The following CADM2 variants were observed in gnomAD, a reference collection of about 807,000 sequenced individuals.
CADM2 encodes the protein cell adhesion molecule 2.
A neutral mutation model predicts 49.8 loss-of-function variants in CADM2; 12 were observed. The ratio of observed to expected loss-of-function variants is 0.24; its 90% CI spans 0.15 to 0.39. CADM2 has a LOEUF of 0.39. CADM2 is among the 10% of genes least tolerant of loss of function. The pLI, the probability that CADM2 is intolerant of heterozygous loss-of-function variation, is 1.00. For missense variants in CADM2, 378 were observed against 492.3 expected, an observed-to-expected ratio of 0.77 and a Z score of 2.20; for synonymous variants, 214 against 175.4, an observed-to-expected ratio of 1.22 and a Z score of -1.74.
At chr3:85,171,786 A>G (rs554641520) in intron 1 of CADM2, among the ~76,000 whole-genome samples, 2 of 152,346 alleles carry the variant, frequency 1.3e-5, no homozygotes, top group East Asian at 3.9e-4. Flanking sequence ...TACCTAATCA[A>G]TGAAATATGA....
intron 1 of CADM2, among the ~76,000 whole-genome samples, chr3:85,177,381 G>T (rs141868782): frequency 1.3e-5 from 2 of 151,912 alleles, no homozygotes; most frequent in East Asian, 3.9e-4. Context: ...TTTTATGATC[G>T]TTTATACCTT....
intron 1 of CADM2, among the ~76,000 whole-genome samples, chr3:84,983,255 G>C (rs559079032): frequency 2.0e-5 from 3 of 151,790 alleles, no homozygotes; most frequent in African/African-American, 7.2e-5. Context: ...ATTTTTGCAT[G>C]AAATATTTTG....
chr3:85,783,160 C>T (rs1398954952), intron 2 of CADM2, among the ~76,000 whole-genome samples: 1 of 152,050 alleles, frequency 6.6e-6, no homozygotes, highest in African/African-American at 2.4e-5. Context: ...TATTCAGACA[C>T]TTTTTTGTTT....
chr3:85,393,997 G>A (rs2034646831), intron 1 of CADM2, among the ~76,000 whole-genome samples: 1 of 152,016 alleles, frequency 6.6e-6, no homozygotes, highest in African/African-American at 2.4e-5. Context: ...TAGTAGAGAC[G>A]GGGTAGCCAG....
At chr3:85,006,419 A>G (rs1414832668) in intron 1 of CADM2, among the ~76,000 whole-genome samples, 2 of 135,866 alleles carry the variant, frequency 1.5e-5, no homozygotes, top group African/African-American at 2.8e-5. Context: ...AGCATGTGAA[A>G]TAAATAAATA....
At chr3:85,188,578 G>GT (rs1290117018) in intron 1 of CADM2, among the ~76,000 whole-genome samples, 13 of 150,856 alleles carry the variant, frequency 8.6e-5, no homozygotes, top group African/African-American at 2.2e-4. Flanking sequence ...AATTCAAGTT[G>GT]TTTTTTTTCA....
chr3:85,355,542 T>A (rs904366076), intron 1 of CADM2, among the ~76,000 whole-genome samples: 1 of 152,100 alleles, frequency 6.6e-6, no homozygotes, highest in African/African-American at 2.4e-5. Context: ...TTTCATTCAC[T>A]TATTTAACAA....
intron 1 of CADM2, among the ~76,000 whole-genome samples, chr3:85,595,114 A>AT (rs1313821177): frequency 3.9e-5 from 6 of 152,022 alleles, no homozygotes; most frequent in African/African-American, 1.4e-4. Context: ...CTGCTAGTTG[A>AT]TAATACAAAT....
At position 85,928,690 on chromosome 3, in the gene CADM2, C is replaced by T. The variant is rs535430458; in HGVS notation, c.701-7077C>T. Among the ~76,000 whole-genome samples, 8 of 152,258 alleles carry T rather than the reference C, an allele frequency of 5.3e-5. No individual in the cohort carries two copies. The East Asian group carries it at 1.5e-3, about 29-fold the overall frequency. ...AATATCTGCGTATTTTAGTTGGATA[C>T]TTACAAGTACTGAAAAATTATTTGT... On this transcript the variant is annotated intron_variant, in intron 6 of 9. Transcript: ENST00000383699.
chr3:85,343,914 G>A (rs752063217), intron 1 of CADM2, among the ~76,000 whole-genome samples: 8 of 152,122 alleles, frequency 5.3e-5, no homozygotes, highest in Admixed American at 3.3e-4. Flanking sequence ...TACTGAGAAG[G>A]CACTGTGTGT....
At chr3:85,287,400 T>A (rs1559759960) in intron 1 of CADM2, among the ~76,000 whole-genome samples, 1 of 152,142 alleles carries the variant, frequency 6.6e-6, no homozygotes, top group Non-Finnish European at 1.5e-5. Context: ...TGAACAGTCT[T>A]ACATGGCTGA....
chr3:86,057,411 T>C (rs1738122280), intron 8 of CADM2, among the ~76,000 whole-genome samples: 1 of 152,174 alleles, frequency 6.6e-6, no homozygotes, highest in South Asian at 2.1e-4. Flanking sequence ...TACTTGATAG[T>C]AACAGTTTTA....
At chr3:85,703,883 C>T (rs1255578907) in intron 1 of CADM2, among the ~76,000 whole-genome samples, 2 of 152,194 alleles carry the variant, frequency 1.3e-5, no homozygotes, top group African/African-American at 4.8e-5. Context: ...TGCTAAGTAG[C>T]AAAACAGTGT....
chr3:85,567,363 C>T lies in CADM2; in HGVS notation c.62-159159C>T, dbSNP rs373808225. On this transcript the variant is annotated intron_variant, in intron 1 of 9. Transcript: ENST00000383699. The stretch of plus-strand genomic sequence containing the variant: ...CTTTTCCTTAAAACACATTTTCTTA[C>T]TTCTTTCAATGTATTTAAACTTGCT... 7.9e-5 allele frequency among the ~76,000 whole-genome samples: 12 copies of T among 152,248 alleles called. 1 individual carries two copies. The East Asian group carries it at 1.9e-3, about 24-fold the overall frequency.
At position 85,001,020 on chromosome 3, in the gene CADM2, CATT is replaced by C. The variant is rs1352274770; in HGVS notation, c.61+41353_61+41355del. Among the ~76,000 whole-genome samples, 3 of 152,020 alleles carry C rather than the reference CATT, an allele frequency of 2.0e-5. No homozygotes were observed. In the East Asian group the frequency reaches 5.8e-4, roughly 29 times the overall value. ...TCCACCTGTTACACAAAATGAGAAA[CATT>C]GTGGATATTCTTTTTGTCACAATCA... On this transcript the variant is annotated intron_variant, in intron 1 of 9. Transcript: ENST00000383699.
intron 1 of CADM2, among the ~76,000 whole-genome samples, chr3:85,683,519 C>T (rs2107662644): frequency 6.6e-6 from 1 of 152,160 alleles, no homozygotes; most frequent in African/African-American, 2.4e-5. Flanking sequence ...TTTAATATTG[C>T]AAAATCTTGA....
chr3:85,854,389 T>A (rs1306958004), intron 3 of CADM2, among the ~76,000 whole-genome samples: 1 of 152,092 alleles, frequency 6.6e-6, no homozygotes. Context: ...CAAATGCCCA[T>A]CAATGATAGA....
At chr3:85,501,068 T>A (rs189321225) in intron 1 of CADM2, among the ~76,000 whole-genome samples, 1 of 152,314 alleles carries the variant, frequency 6.6e-6, no homozygotes, top group Non-Finnish European at 1.5e-5. Flanking sequence ...TATAAACGAA[T>A]GTCACCAGTT....
intron 8 of CADM2, among the ~76,000 whole-genome samples, chr3:86,025,432 A>G (rs542023704): frequency 2.0e-5 from 3 of 147,528 alleles, no homozygotes; most frequent in South Asian, 4.2e-4. Context: ...TCTTCTAAGG[A>G]CTTTTTTTTT....
Sources: allele counts gnomAD v4.1 joint callset (sites outside exome capture counted in the v4.1 genomes callset), GRCh38; gene constraint gnomAD v4.1.1; transcripts MANE v1.5; gene names NCBI Gene and HGNC (gene_info 2026-07-23, HGNC 2026-07-21).